CCDC148: variants seen among roughly 807,000 people sequenced by gnomAD.
The protein encoded by CCDC148 is coiled-coil domain-containing protein 148.
In CCDC148, 89 loss-of-function variants were observed where a neutral mutation model predicts 85.7. The ratio of observed to expected loss-of-function variants is 1.04; its 90% CI spans 0.87 to 1.24. The LOEUF (loss-of-function observed/expected upper bound fraction) is 1.24, where lower values mean the gene tolerates loss of function less well. Among genes scored for constraint, CCDC148 ranks in the 50% most tolerant of loss-of-function variants. The probability of loss-of-function intolerance (pLI) is 0.00; values close to 1 mark genes in which losing one functional copy is unlikely to be tolerated. For missense variants in CCDC148, 692 were observed against 671.7 expected (o/e 1.03, Z -0.33); for synonymous variants, 230 against 213.9 (o/e 1.08, Z -0.66).
intron 9 of CCDC148, among the ~76,000 whole-genome samples, chr2:158,292,407 A>C (rs1190209759): frequency 6.6e-6 from 1 of 152,202 alleles, no homozygotes; most frequent in East Asian, 1.9e-4. Flanking sequence ...TTCCTTCAAC[A>C]ACTAATATAT....
chr2:158,233,693 T>C lies in CCDC148; in HGVS notation c.1252-12980A>G, dbSNP rs77743159. Among the ~76,000 whole-genome samples, 1,336 of 152,114 alleles carry C rather than the reference T, an allele frequency of 8.8e-3. 8 individuals carry two copies. Among genetic ancestry groups the C allele is most frequent in the Middle Eastern group, 0.024 (7 of 294 alleles). On this transcript the variant is annotated intron_variant, in intron 10 of 13. Coordinates refer to ENST00000283233, the MANE Select transcript of CCDC148 (RefSeq NM_138803.4). ...TCATGCAGGGGTTTGGAGGTGCATT[T>C]AATCCCAACAGAGAATGGGGACCTG...
intron 1 of CCDC148, among the ~76,000 whole-genome samples, chr2:158,398,669 G>T (rs1685636958): frequency 6.6e-6 from 1 of 152,102 alleles, no homozygotes; most frequent in African/African-American, 2.4e-5. Context: ...CCAAGAGAAA[G>T]CAGGAAAGAT....
chr2:158,397,249 C>G (rs1230499509), intron 1 of CCDC148, among the ~76,000 whole-genome samples: 1 of 152,022 alleles, frequency 6.6e-6, no homozygotes, highest in Non-Finnish European at 1.5e-5. Flanking sequence ...CAAGGCAGGC[C>G]AACATTCAAA....
chr2:158,205,611 A>G (rs1686201721), intron 11 of CCDC148, among the ~76,000 whole-genome samples: 4 of 151,834 alleles, frequency 2.6e-5, no homozygotes, highest in Admixed American at 2.6e-4. Context: ...GTGGTAAGAT[A>G]GGGATTTTAA....
intron 3 of CCDC148, 26 bp from the exon 4 acceptor site, chr2:158,340,706 T>C (rs1001332727): frequency 7.6e-7 from 1 of 1,319,148 alleles, no homozygotes; most frequent in African/African-American, 1.5e-5. Flanking sequence ...TCTCAATAAA[T>C]GTTACAATCA....
rs559235092 is a variant in CCDC148 at position 158,298,471 on chromosome 2, A to G, written c.1110+10962T>C. Among the ~76,000 whole-genome samples, 13 of 152,200 alleles carry G rather than the reference A, an allele frequency of 8.5e-5. No individual in the cohort carries two copies. In the East Asian group the frequency reaches 2.5e-3, roughly 29 times the overall value. On this transcript the variant is annotated intron_variant, in intron 9 of 13. Transcript: ENST00000283233. ...TTATTCTCTCTCTTCTTTTTCTGGA[A>G]CTTTAATTACATATATAATACAACT...
At chr2:158,287,555 G>A (rs1211726507) in intron 9 of CCDC148, among the ~76,000 whole-genome samples, 1 of 152,110 alleles carries the variant, frequency 6.6e-6, no homozygotes, top group Non-Finnish European at 1.5e-5. Context: ...AAATCCAGCA[G>A]GGTAGTCAAA....
chr2:158,449,612 C>G (rs1307135244), intron 1 of CCDC148, among the ~76,000 whole-genome samples: 2 of 152,126 alleles, frequency 1.3e-5, no homozygotes, highest in African/African-American at 4.8e-5. Flanking sequence ...CCATGCCAAG[C>G]TAATTTTTGT....
intron 11 of CCDC148, among the ~76,000 whole-genome samples, chr2:158,195,014 C>T (rs749090657): frequency 4.2e-4 from 64 of 151,788 alleles, no homozygotes; most frequent in Admixed American, 1.4e-3. Context: ...CTGCTTGTCT[C>T]GCTGGGATCA....
chr2:158,359,508 A>T (rs1432631455), intron 1 of CCDC148, among the ~76,000 whole-genome samples: 2 of 152,144 alleles, frequency 1.3e-5, no homozygotes, highest in Non-Finnish European at 2.9e-5. Flanking sequence ...GACTGGTTAG[A>T]CAGTGGGTGC....
At chr2:158,439,496 G>C in intron 1 of CCDC148, among the ~76,000 whole-genome samples, 1 of 152,044 alleles carries the variant, frequency 6.6e-6, no homozygotes, top group East Asian at 1.9e-4. Context: ...GCAGGGGGGA[G>C]AGATAGCATT....
intron 9 of CCDC148, among the ~76,000 whole-genome samples, chr2:158,282,251 G>C (rs200636463): frequency 0.011 from 1,652 of 151,988 alleles, 38 homozygotes; most frequent in East Asian, 0.092. Context: ...CACTCCTATT[G>C]AACATAGTGT....
intron 5 of CCDC148, among the ~76,000 whole-genome samples, chr2:158,339,716 C>T (rs1316081022): frequency 6.6e-6 from 1 of 152,006 alleles, no homozygotes; most frequent in Non-Finnish European, 1.5e-5. Flanking sequence ...ATCTAAATGG[C>T]AAAGAGTCAC....
At chr2:158,213,953 C>G (rs1021620277) in intron 11 of CCDC148, among the ~76,000 whole-genome samples, 1 of 151,584 alleles carries the variant, frequency 6.6e-6, no homozygotes, top group African/African-American at 2.4e-5. Context: ...CTACTGCATG[C>G]GAAAGAGAGA....
chr2:158,302,320 A>G (rs1691481891), intron 9 of CCDC148, among the ~76,000 whole-genome samples: 1 of 152,092 alleles, frequency 6.6e-6, no homozygotes, highest in Non-Finnish European at 1.5e-5. Flanking sequence ...GTGTCAGGTA[A>G]GGGTCCTATG....
At chr2:158,195,535 T>G (rs993024481) in intron 11 of CCDC148, among the ~76,000 whole-genome samples, 1 of 152,222 alleles carries the variant, frequency 6.6e-6, no homozygotes, top group Non-Finnish European at 1.5e-5. Context: ...TGTGGAATTA[T>G]TAAGGCTCCT....
At chr2:158,363,150 A>G (rs760437450) in intron 1 of CCDC148, among the ~76,000 whole-genome samples, 1 of 152,144 alleles carries the variant, frequency 6.6e-6, no homozygotes, top group Non-Finnish European at 1.5e-5. Flanking sequence ...AACAATAACA[A>G]GTTCTGAAAT....
At chr2:158,443,936 A>G (rs1167401472) in intron 1 of CCDC148, among the ~76,000 whole-genome samples, 1 of 152,246 alleles carries the variant, frequency 6.6e-6, no homozygotes, top group Non-Finnish European at 1.5e-5. Context: ...GCCATAGTCA[A>G]TAGGTTGCAA....
At chr2:158,377,587 G>A (rs183891908) in intron 1 of CCDC148, among the ~76,000 whole-genome samples, 5 of 152,106 alleles carry the variant, frequency 3.3e-5, no homozygotes, top group East Asian at 3.9e-4. Context: ...GCTATCTGGC[G>A]ACATACAGGC....
Sources: gnomAD v4.1 joint callset for allele counts (sites outside exome capture counted in the v4.1 genomes callset) on GRCh38, gnomAD v4.1.1 for gene constraint, MANE v1.5 for transcripts, NCBI Gene and HGNC (gene_info 2026-07-23, HGNC 2026-07-21) for gene names.